The following SNUPN variants were observed in gnomAD, a reference collection of about 807,000 sequenced individuals.
The protein encoded by SNUPN is snurportin-1.
SNUPN carries 31 observed loss-of-function variants against 39.2 expected under a neutral mutation model. The observed-to-expected ratio is 0.79, with a 90% CI of 0.59 to 1.07. The LOEUF (loss-of-function observed/expected upper bound fraction) is 1.07. Ranked by LOEUF, SNUPN falls within the 50% of genes least tolerant of loss-of-function variation. SNUPN has a pLI of 0.00. For synonymous variants in SNUPN, 132 were observed against 159.0 expected (o/e 0.83, Z 1.28); for missense variants, 382 against 434.2 (o/e 0.88, Z 1.07).
intron 1 of SNUPN, chr15:75,622,536 A>G (rs762418496): frequency 2.1e-4 from 197 of 941,454 alleles, no homozygotes; most frequent in Non-Finnish European, 2.4e-4. Flanking sequence ...ACTTCATTCA[A>G]GCGCCTGTGA....
At position 75,598,298 on chromosome 15, in the gene SNUPN, C is replaced by T; in HGVS notation, c.*60G>A. 7.1e-7 allele frequency: 1 copy of T among 1,407,648 alleles called. No individual in the cohort carries two copies. The highest frequency in any genetic ancestry group is 9.8e-7 in the Non-Finnish European group (1 of 1,024,776). The allele number at this position is 1,407,648 out of a possible 1,614,324, so 87.2% of individuals were successfully genotyped here. ...AGTCACCTGTTGTCACTGTCCTCCT[C>T]TCCAGGATTCCTTTTGGGGCCAGGT... On this transcript the variant is annotated 3_prime_UTR_variant, in exon 9 of 9. Transcript: ENST00000308588.
At chr15:75,615,401 G>C (rs1263019822) in intron 3 of SNUPN, among the ~76,000 whole-genome samples, 1 of 151,990 alleles carries the variant, frequency 6.6e-6, no homozygotes, top group African/African-American at 2.4e-5. Context: ...AACTGCTCCC[G>C]GGCACACCAT....
chr15:75,611,510 C>T lies in SNUPN; in HGVS notation c.304-1516G>A, dbSNP rs540273293. Reference sequence around the variant, plus strand: ...CTCGTGATCCGCCCGCCTCGGCCCCCCAAAGTGCTGGGATTACAGGCATGA... The same window carrying T: ...CTCGTGATCCGCCCGCCTCGGCCCCTCAAAGTGCTGGGATTACAGGCATGA... On this transcript the variant is annotated intron_variant, in intron 3 of 8. Transcript: ENST00000308588. Among the ~76,000 whole-genome samples the T allele has an allele frequency of 4.1e-3, 624 of 151,804 alleles. 5 individuals carry two copies. The highest frequency in any genetic ancestry group is 0.014 in the African/African-American group (599 of 41,518).
Position 75,607,228 on chromosome 15 carries a change from A to G in SNUPN, c.588T>C (p.Phe196=). The G allele has an allele frequency of 1.2e-6, 2 of 1,612,922 alleles. No homozygotes were observed. The highest frequency in any genetic ancestry group is 1.7e-6 in the Non-Finnish European group (2 of 1,178,928). The change falls in exon 6 of 9, where the codon TTT becomes TTC. Residue 196 remains phenylalanine (F), a synonymous_variant. Transcript: ENST00000308588. The part of the protein sequence containing the change: ...LDVMCWRGHP[F]YDCQTDFRFY... ...GATCCATCCCTACCTGGCAATCATA[A>G]AAAGGGTGTCCCCGCCAGCACATCA...
In SNUPN at chr15:75,607,231, AG is replaced by A. The variant is rs1567551853; in HGVS notation, c.584del (p.Pro195LeufsTer38). The A allele has an allele frequency of 6.8e-6, 11 of 1,612,996 alleles. No homozygotes were observed. In the South Asian group the frequency reaches 1.2e-4, roughly 18 times the overall value. ...CCATCCCTACCTGGCAATCATAAAA[AG>A]GGTGTCCCCGCCAGCACATCACATC... ...VLDVMCWRGHPFYDCQTDFRF... is the reference protein window; with the variant it reads ...VLDVMCWRGHXFYDCQTDFRF... On this transcript the variant is annotated frameshift_variant, in exon 6 of 9. Coordinates refer to ENST00000308588, the MANE Select transcript of SNUPN (RefSeq NM_005701.4). LOFTEE classifies it high-confidence loss of function.
At chr15:75,612,843 GACT>G (rs1434580422) in intron 3 of SNUPN, among the ~76,000 whole-genome samples, 2 of 151,802 alleles carry the variant, frequency 1.3e-5, no homozygotes, top group Non-Finnish European at 2.9e-5. Context: ...AGGCAAATTA[GACT>G]ACATCAAAAT....
At chr15:75,607,143 C>T (rs1403942335) in intron 6 of SNUPN, 73 bp downstream of exon 6, 1 of 1,070,804 alleles carries the variant, frequency 9.3e-7, no homozygotes, top group Admixed American at 1.7e-5. Context: ...CATACCAAAC[C>T]CACATGCTGA....
chr15:75,616,801 G>A (rs1238235777), intron 3 of SNUPN, among the ~76,000 whole-genome samples: 1 of 152,154 alleles, frequency 6.6e-6, no homozygotes, highest in African/African-American at 2.4e-5. Context: ...TTCCTCTCTG[G>A]ATCTAAAAGG....
chr15:75,605,115 A>G (rs757587362), intron 7 of SNUPN, 35 bp downstream of exon 7: 33 of 1,367,296 alleles, frequency 2.4e-5, no homozygotes, highest in South Asian at 3.6e-5. Context: ...ACTACTCCCC[A>G]TAAGGAACTC....
At chr15:75,603,353 A>C (rs922648971) in intron 7 of SNUPN, among the ~76,000 whole-genome samples, 1 of 146,532 alleles carries the variant, frequency 6.8e-6, no homozygotes, top group Non-Finnish European at 1.5e-5. Context: ...GGCCTGGCCC[A>C]GGTATTTTTT....
chr15:75,621,560 C>A (rs1468950420), intron 1 of SNUPN, among the ~76,000 whole-genome samples: 1 of 152,158 alleles, frequency 6.6e-6, no homozygotes, highest in African/African-American at 2.4e-5. Context: ...CTGCGCCCGG[C>A]CTTTTCTGAG....
At chr15:75,610,339 G>A (rs551810737) in intron 3 of SNUPN, among the ~76,000 whole-genome samples, 1 of 151,206 alleles carries the variant, frequency 6.6e-6, no homozygotes, top group East Asian at 2.0e-4. Context: ...GGCAGAGGTT[G>A]CAGTGAGCCG....
In SNUPN at chr15:75,601,133, G is replaced by C; in HGVS notation, c.759+5C>G. 5.0e-6 allele frequency: 8 copies of C among 1,608,280 alleles called. No homozygotes were observed. Among genetic ancestry groups the C allele is most frequent in the Non-Finnish European group, 6.8e-6 (8 of 1,174,780 alleles). ...TCAAGGCAATAAAGACAATGGTTTC[G>C]TTACCTCAAAAGGGAAATCCATAGA... is the stretch of plus-strand genomic sequence containing the variant. On this transcript the variant is annotated splice_donor_5th_base_variant and intron_variant, in intron 8 of 8. Transcript: ENST00000308588.
At chr15:75,617,275 T>C (rs1032131252) in intron 3 of SNUPN, 133 bp downstream of exon 3, 1 of 891,516 alleles carries the variant, frequency 1.1e-6, no homozygotes, top group Non-Finnish European at 1.7e-6. Context: ...TACACTGGCA[T>C]GTTCTTTGCA....
At chr15:75,614,267 G>GGTGAGAGA (rs1276312247) in intron 3 of SNUPN, among the ~76,000 whole-genome samples, 1 of 151,844 alleles carries the variant, frequency 6.6e-6, no homozygotes, top group East Asian at 1.9e-4. Context: ...CTCCAGCCTG[G>GGTGAGAGA]GTGAGAGAGT....
intron 2 of SNUPN, among the ~76,000 whole-genome samples, chr15:75,618,986 T>C (rs569987831): frequency 8.5e-6 from 1 of 117,870 alleles, no homozygotes; most frequent in Non-Finnish European, 1.6e-5. Flanking sequence ...ACTAAATAAA[T>C]GTGCAGAACA....
chr15:75,618,024 C>T (rs1198572533), intron 2 of SNUPN, among the ~76,000 whole-genome samples: 5 of 152,082 alleles, frequency 3.3e-5, no homozygotes, highest in Admixed American at 2.0e-4. Context: ...AAACAGTGAC[C>T]GCCCCCTCAA....
intron 3 of SNUPN, 56 bp from the exon 4 acceptor site, chr15:75,610,050 T>C (rs1892738214): frequency 7.5e-7 from 1 of 1,328,424 alleles, no homozygotes; most frequent in Non-Finnish European, 1.1e-6. Flanking sequence ...CTCGAAAGTC[T>C]GCAATGACAA....
At chr15:75,616,330 C>T (rs894661172) in intron 3 of SNUPN, among the ~76,000 whole-genome samples, 2 of 151,888 alleles carry the variant, frequency 1.3e-5, no homozygotes, top group Non-Finnish European at 2.9e-5. Context: ...TGGTGGCAGG[C>T]ATCTGTAATC....
Sources: gnomAD v4.1 joint callset for allele counts (sites outside exome capture counted in the v4.1 genomes callset) on GRCh38, gnomAD v4.1.1 for gene constraint, MANE v1.5 for transcripts, NCBI Gene and HGNC (gene_info 2026-07-23, HGNC 2026-07-21) for gene names.